The following PCDHGB6 variants were observed in gnomAD, a reference collection of about 807,000 sequenced individuals.
PCDHGB6 encodes protocadherin gamma subfamily B, 6, also known as protocadherin gamma-B6.
In PCDHGB6, 51 loss-of-function variants were observed where a neutral mutation model predicts 59.1. The ratio of observed to expected loss-of-function variants is 0.86; its 90% confidence interval spans 0.69 to 1.09. The LOEUF is 1.09. Among genes scored for constraint, PCDHGB6 ranks in the 50% least tolerant of loss-of-function variants. The pLI, the probability that PCDHGB6 is intolerant of heterozygous loss-of-function variation, is 0.00. For missense variants in PCDHGB6, 1,148 were observed against 1,205.1 expected, an observed-to-expected ratio of 0.95 and a Z score of 0.70; for synonymous variants, 466 against 495.1, an observed-to-expected ratio of 0.94 and a Z score of 0.78.
chr5:141,477,223 T>C lies in PCDHGB6; in HGVS notation c.2419-17584T>C. The C allele has an allele frequency of 6.2e-7, 1 of 1,614,198 alleles. No homozygotes were observed. On this transcript the variant is annotated intron_variant, in intron 1 of 3. Coordinates refer to ENST00000520790, the MANE Select transcript of PCDHGB6 (RefSeq NM_018926.3). This position sits in a 1 kb window ranked among gnomAD's most constrained non-coding sequence, Gnocchi z 4.9. ...TACCCGAGGATGCCCCTCTGGGGAC[T>C]GTCATCGCTTTGCTCAGTGTGACTG... is the stretch of plus-strand genomic sequence containing the variant.
chr5:141,490,045 C>G lies in PCDHGB6; in HGVS notation c.2419-4762C>G, dbSNP rs530803072. 6 of 1,614,114 alleles carry G rather than the reference C, an allele frequency of 3.7e-6. No individual in the cohort carries two copies. The highest frequency in any genetic ancestry group is 5.1e-6 in the Non-Finnish European group (6 of 1,180,014). On this transcript the variant is annotated intron_variant, in intron 1 of 3. Coordinates refer to ENST00000520790, the MANE Select transcript of PCDHGB6 (RefSeq NM_018926.3). This position sits in a 1 kb window ranked among gnomAD's most constrained non-coding sequence, Gnocchi z 5.4. ...GCTGCTCCGCCTCAATGCCACTGAT[C>G]CAGACGAGGGCACCAACGGCCAACT...
chr5:141,443,274 A>G (rs1259320198), intron 1 of PCDHGB6, among the ~76,000 whole-genome samples: 12 of 151,534 alleles, frequency 7.9e-5, no homozygotes, highest in African/African-American at 1.7e-4. Context: ...TGAGCCCAGG[A>G]GTTTGAGACC....
rs543038539 is a variant in PCDHGB6 at position 141,415,850 on chromosome 5, C to A, written c.2418+5230C>A. 7.3e-6 allele frequency: 9 copies of A among 1,230,004 alleles called. No homozygotes were observed. In the East Asian group the frequency reaches 2.6e-4, roughly 35 times the overall value. The allele number at this position is 1,230,004 out of a possible 1,614,324, so 76.2% of individuals were successfully genotyped here. ...TTTGTTATGATTAGCTTTGCAGAAC[C>A]TTGTAGTTTATAGTGTTGTTGAGTA... On this transcript the variant is annotated intron_variant, in intron 1 of 3. Coordinates refer to ENST00000520790, the MANE Select transcript of PCDHGB6 (RefSeq NM_018926.3).
chr5:141,491,048 C>G lies in PCDHGB6; in HGVS notation c.2419-3759C>G. On this transcript the variant is annotated intron_variant, in intron 1 of 3. Coordinates refer to ENST00000520790, the MANE Select transcript of PCDHGB6 (RefSeq NM_018926.3). The surrounding 1 kb of genome is among the most constrained non-coding windows in gnomAD (Gnocchi z 6.9). ...GTGGATGCTGATGCAGGCCACAATGCGTGGCTCTCCTACTCACTGTTGCCA... is the reference window on the plus strand; with the variant it reads ...GTGGATGCTGATGCAGGCCACAATGGGTGGCTCTCCTACTCACTGTTGCCA... 1.2e-6 allele frequency: 2 copies of G among 1,614,066 alleles called. No individual in the cohort carries two copies. Among genetic ancestry groups the G allele is most frequent in the Non-Finnish European group, 8.5e-7 (1 of 1,179,952 alleles).
intron 1 of PCDHGB6, among the ~76,000 whole-genome samples, chr5:141,442,921 CATTTTCTA>C (rs1366534082): frequency 6.6e-6 from 1 of 152,196 alleles, no homozygotes. Context: ...ACAACTGTTT[CATTTTCTA>C]TTTAAGAAAC....
At chr5:141,466,022 T>C (rs1053231186) in intron 1 of PCDHGB6, among the ~76,000 whole-genome samples, 4 of 151,628 alleles carry the variant, frequency 2.6e-5, no homozygotes, top group African/African-American at 9.7e-5. Flanking sequence ...CTCGGGAGGG[T>C]GAGGCAGGAG....
chr5:141,424,393 A>G (rs1241872928), intron 1 of PCDHGB6: 1 of 152,120 alleles, frequency 6.6e-6, no homozygotes, highest in Non-Finnish European at 1.5e-5. Flanking sequence ...TGTCTTTTCC[A>G]TTACTATGGT....
intron 3 of PCDHGB6, among the ~76,000 whole-genome samples, chr5:141,505,926 G>A (rs114056147): frequency 0.012 from 1,893 of 152,254 alleles, 12 homozygotes; most frequent in Middle Eastern, 0.034. Context: ...TGGGCCTGGC[G>A]CTTGGAAGCC....
chr5:141,478,307 G>T, intron 1 of PCDHGB6: 3 of 1,614,056 alleles, frequency 1.9e-6, no homozygotes, highest in Non-Finnish European at 2.5e-6. Context: ...CCGAGCCCCG[G>T]TGAGCTCACT....
chr5:141,418,345 T>C, intron 1 of PCDHGB6: 1 of 1,614,000 alleles, frequency 6.2e-7, no homozygotes, highest in Non-Finnish European at 8.5e-7. Context: ...ATCCTGATAT[T>C]AGTATGAATT....
rs1414210927 is a variant in PCDHGB6, at chr5:141,477,460, C to G, written c.2419-17347C>G. 1.9e-6 allele frequency: 3 copies of G among 1,614,014 alleles called. No homozygotes were observed. The highest frequency in any genetic ancestry group is 2.5e-6 in the Non-Finnish European group (3 of 1,180,028). On this transcript the variant is annotated intron_variant, in intron 1 of 3. Transcript: ENST00000520790. The surrounding 1 kb of genome is among the most constrained non-coding windows in gnomAD (Gnocchi z 4.9). ...TTACAATAGTGCGTGTTCAAGTGTC[C>G]GACATCAATGACAACCCTCCACAAT...
intron 1 of PCDHGB6, chr5:141,419,345 C>T (rs111954647): frequency 6.2e-6 from 10 of 1,613,858 alleles, no homozygotes; most frequent in African/African-American, 2.7e-5. Flanking sequence ...TGCCAGCGAC[C>T]TGGAGTCACG....
chr5:141,501,381 T>A (rs1261533671), intron 2 of PCDHGB6, among the ~76,000 whole-genome samples: 4 of 151,750 alleles, frequency 2.6e-5, no homozygotes, highest in African/African-American at 9.7e-5. Flanking sequence ...TCTTAAATCC[T>A]AGGTCCTGTC....
intron 1 of PCDHGB6, among the ~76,000 whole-genome samples, chr5:141,454,750 T>C (rs992030704): frequency 1.3e-5 from 2 of 150,108 alleles, no homozygotes; most frequent in Admixed American, 6.7e-5. Flanking sequence ...GAGGCCAAAC[T>C]AATCTTGACA....
rs70988802 is a variant in PCDHGB6 at position 141,450,006 on chromosome 5, C to CTATTTTTTTT, written c.2418+39387_2418+39388insATTTTTTTTT. ...CACATTGCATTTAGTTGCCATGTCTCTTTTTTTTTTTTTTTTTTGAGACAG... is the reference window on the plus strand; with the variant it reads ...CACATTGCATTTAGTTGCCATGTCTCTATTTTTTTTTTTTTTTTTTTTTTTTTTGAGACAG... On this transcript the variant is annotated intron_variant, in intron 1 of 3. Transcript: ENST00000520790. Among the ~76,000 whole-genome samples the CTATTTTTTTT allele has an allele frequency of 3.0e-5, 4 of 132,980 alleles. 1 individual carries two copies. The highest frequency in any genetic ancestry group is 5.6e-5 in the African/African-American group (2 of 35,572). 87.2% of individuals were successfully genotyped at this position (132,980 alleles called of 152,430 possible). A position where few individuals can be genotyped will look rare whatever the true frequency, so the allele number is the denominator to read the frequency against.
intron 2 of PCDHGB6, among the ~76,000 whole-genome samples, chr5:141,502,296 G>A (rs758304596): frequency 7.9e-5 from 12 of 151,130 alleles, no homozygotes; most frequent in Non-Finnish European, 1.2e-4. Context: ...TGGTTGTCAC[G>A]TCTTTCCTCT....
chr5:141,492,106 C>T (rs1265796740), intron 1 of PCDHGB6, among the ~76,000 whole-genome samples: 2 of 152,238 alleles, frequency 1.3e-5, no homozygotes, highest in South Asian at 2.1e-4. Flanking sequence ...TGTAGATTTC[C>T]TCTTCGATTT....
intron 2 of PCDHGB6, among the ~76,000 whole-genome samples, chr5:141,502,404 C>G (rs1270930372): frequency 6.6e-6 from 1 of 151,880 alleles, no homozygotes; most frequent in African/African-American, 2.4e-5. Context: ...TGTCCCCGAA[C>G]CTGGATTTGC....
rs114492681 is a variant in PCDHGB6, at chr5:141,408,401, C to A, written c.199C>A (p.Arg67=). 1.5e-3 allele frequency: 2,364 copies of A among 1,614,010 alleles called. 32 individuals are homozygous for A. The African/African-American group carries it at 0.028, about 19-fold the overall frequency. The change falls in exon 1 of 4, where the codon CGA becomes AGA. Residue 67 remains arginine (R), a synonymous_variant. Coordinates refer to ENST00000520790, the MANE Select transcript of PCDHGB6 (RefSeq NM_018926.3). The part of the protein sequence containing the change: ...SVLDVSARKL[R]VSAEKLHFSV... ...CCTGGATGTGTCGGCTCGCAAGCTG[C>A]GAGTGAGCGCGGAGAAGCTGCACTT...
Sources: gnomAD v4.1 joint callset for allele counts (sites outside exome capture counted in the v4.1 genomes callset) on GRCh38, gnomAD v4.1.1 for gene constraint, Gnocchi (gnomAD v3.1) non-coding constraint, MANE v1.5 for transcripts, NCBI Gene and HGNC (gene_info 2026-07-23, HGNC 2026-07-21) for gene names.